Variants in WBP1L observed in about 807,000 individuals in gnomAD.
The protein encoded by WBP1L is WW domain binding protein 1 like, also known as WW domain binding protein 1-like.
A neutral mutation model predicts 33.7 loss-of-function variants in WBP1L; 17 were observed. The observed-to-expected ratio is 0.50, with a 90% CI of 0.34 to 0.76. The LOEUF (loss-of-function observed/expected upper bound fraction) is 0.76, where lower values mean the gene tolerates loss of function less well. Ranked by LOEUF, WBP1L falls within the 30% of genes least tolerant of loss-of-function variation. WBP1L has a pLI of 0.01. For synonymous variants in WBP1L, 173 were observed against 190.8 expected (o/e 0.91, Z 0.77); for missense variants, 389 against 469.4 (o/e 0.83, Z 1.58).
intron 1 of WBP1L, chr10:102,776,046 A>G: frequency 1.0e-6 from 1 of 970,888 alleles, no homozygotes; most frequent in Middle Eastern, 5.3e-4. Flanking sequence ...GCGGGTCTGC[A>G]GCACATCCTC....
At chr10:102,810,106 C>A (rs1843808262) in intron 3 of WBP1L, 52 bp downstream of exon 3, 9 of 1,555,648 alleles carry the variant, frequency 5.8e-6, no homozygotes, top group African/African-American at 1.4e-5. Flanking sequence ...GGTGCACAGA[C>A]CCAGGGCTCA....
chr10:102,752,985 C>T (rs1321762524), intron 1 of WBP1L, among the ~76,000 whole-genome samples: 1 of 152,164 alleles, frequency 6.6e-6, no homozygotes, highest in Non-Finnish European at 1.5e-5. Context: ...TTTTGAATGC[C>T]TGTCCACCCA....
chr10:102,750,288 A>T (rs1590164430), intron 1 of WBP1L, among the ~76,000 whole-genome samples: 1 of 151,320 alleles, frequency 6.6e-6, no homozygotes, highest in East Asian at 2.0e-4. Flanking sequence ...CCAGCTACTC[A>T]GGAGGCTGAG....
intron 1 of WBP1L, among the ~76,000 whole-genome samples, chr10:102,785,648 A>G (rs995076717): frequency 6.6e-6 from 1 of 152,238 alleles, no homozygotes; most frequent in African/African-American, 2.4e-5. Flanking sequence ...TCATGGCACC[A>G]ACTGTGAGTG....
intron 1 of WBP1L, among the ~76,000 whole-genome samples, chr10:102,791,937 G>T (rs1408784192): frequency 6.6e-6 from 1 of 152,146 alleles, no homozygotes; most frequent in Admixed American, 6.5e-5. Flanking sequence ...AAGTTTTTAC[G>T]CTGATTAAAT....
chr10:102,777,631 G>A (rs924995736), intron 1 of WBP1L, among the ~76,000 whole-genome samples: 8 of 131,748 alleles, frequency 6.1e-5, no homozygotes, highest in African/African-American at 1.4e-4. Flanking sequence ...GTGTAGTGGC[G>A]TTAGCTCACT....
At chr10:102,755,096 C>T (rs112423888) in intron 1 of WBP1L, among the ~76,000 whole-genome samples, 72 of 151,548 alleles carry the variant, frequency 4.8e-4, no homozygotes, top group African/African-American at 1.5e-3. Context: ...ATTACAGGTG[C>T]GCACCACCAT....
chr10:102,747,095 G>A (rs10883770), intron 1 of WBP1L, among the ~76,000 whole-genome samples: 32,662 of 152,078 alleles, frequency 0.21, 3,637 homozygotes, highest in Middle Eastern at 0.32. Flanking sequence ...TGGGCATGGT[G>A]GCTCACCCCT....
rs1178069567 is a variant in WBP1L at position 102,813,976 on chromosome 10, C to T, written c.*645C>T. 1.3e-5 allele frequency: 2 copies of T among 152,300 alleles called. No homozygotes were observed. Among genetic ancestry groups the T allele is most frequent in the African/African-American group, 4.8e-5 (2 of 41,448 alleles). The allele number at this position is 152,300 out of a possible 1,614,324, so 9.4% of individuals were successfully genotyped here. A position where few individuals can be genotyped will look rare whatever the true frequency, so the allele number is the denominator to read the frequency against. On this transcript the variant is annotated 3_prime_UTR_variant, in exon 4 of 4. Transcript: ENST00000448841. ...CCATGCGTCCTTGAGGGGCCTCTTC[C>T]CCGCAGGCTCTGGCTGGCCGCAGGC...
chr10:102,769,154 T>C (rs1413100196), intron 1 of WBP1L, among the ~76,000 whole-genome samples: 1 of 152,164 alleles, frequency 6.6e-6, no homozygotes, highest in African/African-American at 2.4e-5. Context: ...CCTGGCTAAT[T>C]TCTTAATTTT....
Position 102,798,048 on chromosome 10 carries a change from A to G in WBP1L, c.146A>G (p.His49Arg). Reference protein sequence around the residue: ...NNQSYICDTGHCCGQSQCCNY... With the variant: ...NNQSYICDTGRCCGQSQCCNY... ...CAAAGCTACATCTGTGACACAGGAC[A>G]CTGCTGTGGACAGTCTCAGTGCTGC... The change falls in exon 2 of 4, where the codon CAC becomes CGC. Residue 49 changes from histidine to arginine, a missense_variant. By Grantham distance (29) the His-to-Arg change is conservative. Coordinates refer to ENST00000448841, the MANE Select transcript of WBP1L (RefSeq NM_001083913.2). 6.2e-7 allele frequency: 1 copy of G among 1,614,216 alleles called. No homozygotes were observed. Among genetic ancestry groups the G allele is most frequent in the Non-Finnish European group, 8.5e-7 (1 of 1,180,030 alleles).
chr10:102,749,199 A>G (rs1439490244), intron 1 of WBP1L, among the ~76,000 whole-genome samples: 3 of 152,236 alleles, frequency 2.0e-5, no homozygotes, highest in African/African-American at 7.2e-5. Flanking sequence ...AAATGTGGCT[A>G]GGATAACTGA....
chr10:102,769,109 T>C (rs1477263933), intron 1 of WBP1L, among the ~76,000 whole-genome samples: 1 of 152,190 alleles, frequency 6.6e-6, no homozygotes, highest in Non-Finnish European at 1.5e-5. Flanking sequence ...CTCAGCCTAC[T>C]GAGTAGCTGA....
intron 1 of WBP1L, among the ~76,000 whole-genome samples, chr10:102,795,050 G>T (rs1261342276): frequency 6.6e-6 from 1 of 152,168 alleles, no homozygotes; most frequent in African/African-American, 2.4e-5. Flanking sequence ...GCCACAACTT[G>T]TGATGGTTCA....
intron 1 of WBP1L, among the ~76,000 whole-genome samples, chr10:102,797,003 A>G (rs1313965455): frequency 6.6e-6 from 1 of 152,186 alleles, no homozygotes; most frequent in Non-Finnish European, 1.5e-5. Context: ...CCTTTATGTG[A>G]GTGTCCCTGA....
At chr10:102,760,017 G>C (rs538206500) in intron 1 of WBP1L, among the ~76,000 whole-genome samples, 1 of 152,326 alleles carries the variant, frequency 6.6e-6, no homozygotes, top group South Asian at 2.1e-4. Flanking sequence ...TCCAACACTT[G>C]TTATGGTCTG....
In WBP1L at chr10:102,813,933, T is replaced by C. The variant is rs559754181; in HGVS notation, c.*602T>C. The C allele has an allele frequency of 6.5e-5, 10 of 152,984 alleles. No homozygotes were observed. The highest frequency in any genetic ancestry group is 2.4e-4 in the African/African-American group (10 of 41,594). 9.5% of individuals were successfully genotyped at this position (152,984 alleles called of 1,614,324 possible). ...GCTTGTTGATCTGTCAAATTCCAGG[T>C]GACAAGATCTATGCACCCCATGCGT... On this transcript the variant is annotated 3_prime_UTR_variant, in exon 4 of 4. Coordinates refer to ENST00000448841, the MANE Select transcript of WBP1L (RefSeq NM_001083913.2).
chr10:102,793,779 T>C (rs1042029864), intron 1 of WBP1L, among the ~76,000 whole-genome samples: 2 of 152,040 alleles, frequency 1.3e-5, no homozygotes, highest in Non-Finnish European at 2.9e-5. Flanking sequence ...TCACTCTTTT[T>C]TTTTTTTGAG....
chr10:102,810,374 C>A (rs1196412715), intron 3 of WBP1L, among the ~76,000 whole-genome samples: 1 of 110,136 alleles, frequency 9.1e-6, no homozygotes, highest in Admixed American at 9.5e-5. Context: ...TCCCTCCCTT[C>A]CTTCCTCCCT....
Sources: allele counts gnomAD v4.1 joint callset (sites outside exome capture counted in the v4.1 genomes callset), GRCh38; gene constraint gnomAD v4.1.1; transcripts MANE v1.5; gene names NCBI Gene and HGNC (gene_info 2026-07-23, HGNC 2026-07-21).